NLGN1: variants seen among roughly 807,000 people sequenced by gnomAD.
NLGN1 encodes the protein neuroligin-1.
Under a neutral mutation model 65.5 loss-of-function variants are expected in NLGN1, and 12 were observed. The observed-to-expected ratio is 0.18, with a 90% CI of 0.12 to 0.30. NLGN1 has a LOEUF of 0.30. NLGN1 is among the 10% of genes least tolerant of loss of function. The probability of loss-of-function intolerance (pLI) is 1.00; values close to 1 mark genes in which losing one functional copy is unlikely to be tolerated. For synonymous variants in NLGN1, 350 were observed against 359.5 expected (o/e 0.97, Z 0.30); for missense variants, 750 against 1,007.1 (o/e 0.74, Z 3.46).
chr3:173,800,782 T>TA (rs951924317), intron 3 of NLGN1, among the ~76,000 whole-genome samples: 4 of 151,858 alleles, frequency 2.6e-5, no homozygotes, highest in Non-Finnish European at 5.9e-5. Context: ...ACATTTGTTT[T>TA]AAAAAAACAC....
At chr3:174,159,526 A>G (rs1208582667) in intron 4 of NLGN1, among the ~76,000 whole-genome samples, 1 of 151,800 alleles carries the variant, frequency 6.6e-6, no homozygotes, top group Non-Finnish European at 1.5e-5. Flanking sequence ...AGGATCTAGT[A>G]AATAGGTGGG....
chr3:173,504,682 C>G (rs1022276885), intron 2 of NLGN1, among the ~76,000 whole-genome samples: 1 of 152,050 alleles, frequency 6.6e-6, no homozygotes, highest in Non-Finnish European at 1.5e-5. Context: ...TGGTTTCACA[C>G]GAACTCTCCA....
intron 4 of NLGN1, among the ~76,000 whole-genome samples, chr3:173,958,430 G>C (rs1040103040): frequency 6.6e-6 from 1 of 152,102 alleles, no homozygotes; most frequent in African/African-American, 2.4e-5. Flanking sequence ...ACCCTGGAGT[G>C]GGTAGCTCCT....
At chr3:174,028,594 G>A (rs1160056484) in intron 4 of NLGN1, among the ~76,000 whole-genome samples, 1 of 152,172 alleles carries the variant, frequency 6.6e-6, no homozygotes, top group Non-Finnish European at 1.5e-5. Flanking sequence ...TCAGTTTTAT[G>A]TGTTCACAGA....
At chr3:173,531,461 A>G (rs761888661) in intron 2 of NLGN1, among the ~76,000 whole-genome samples, 2 of 152,058 alleles carry the variant, frequency 1.3e-5, no homozygotes, top group Non-Finnish European at 2.9e-5. Flanking sequence ...TTCTATTTAG[A>G]TTTTTATTCC....
At chr3:173,538,026 T>G (rs1737745186) in intron 2 of NLGN1, among the ~76,000 whole-genome samples, 1 of 152,164 alleles carries the variant, frequency 6.6e-6, no homozygotes, top group Non-Finnish European at 1.5e-5. Flanking sequence ...GGGGAAGCAT[T>G]TCTTTCCCTG....
At chr3:173,596,113 T>G (rs572437870) in intron 2 of NLGN1, among the ~76,000 whole-genome samples, 1 of 152,350 alleles carries the variant, frequency 6.6e-6, no homozygotes, top group East Asian at 1.9e-4. Flanking sequence ...AATATTTTGT[T>G]GGTAAATTTT....
At chr3:173,480,209 C>T (rs1338177757) in intron 2 of NLGN1, among the ~76,000 whole-genome samples, 7 of 151,502 alleles carry the variant, frequency 4.6e-5, no homozygotes, top group African/African-American at 7.3e-5. Context: ...ATGTGATTCT[C>T]GGTGCTAGCC....
At chr3:174,060,651 A>G (rs1466380091) in intron 4 of NLGN1, among the ~76,000 whole-genome samples, 2 of 152,040 alleles carry the variant, frequency 1.3e-5, no homozygotes, top group South Asian at 2.1e-4. Context: ...CTTTCAGTCA[A>G]TCAATCATGT....
chr3:174,249,929 T>A (rs1024245413), intron 4 of NLGN1, among the ~76,000 whole-genome samples: 5 of 152,170 alleles, frequency 3.3e-5, no homozygotes, highest in African/African-American at 1.2e-4. Context: ...AAGATTATAT[T>A]ATCAAGGAAT....
intron 4 of NLGN1, among the ~76,000 whole-genome samples, chr3:174,194,979 A>G (rs1448048153): frequency 6.6e-6 from 1 of 150,676 alleles, no homozygotes; most frequent in Non-Finnish European, 1.5e-5. Context: ...CTCCTGCCTC[A>G]GCCTCCCGAG....
intron 4 of NLGN1, among the ~76,000 whole-genome samples, chr3:174,192,103 A>G (rs1453689815): frequency 2.0e-5 from 3 of 152,132 alleles, no homozygotes; most frequent in Non-Finnish European, 2.9e-5. Flanking sequence ...ATTCCGTTGT[A>G]TATTTCCGGA....
intron 4 of NLGN1, among the ~76,000 whole-genome samples, chr3:174,210,359 G>A (rs1179932000): frequency 6.6e-6 from 1 of 152,152 alleles, no homozygotes; most frequent in Non-Finnish European, 1.5e-5. Flanking sequence ...TGTAGTTCCA[G>A]CACCTTCAGG....
chr3:174,289,911 GTATGTATATA>G (rs1445620176), downstream of NLGN1, among the ~76,000 whole-genome samples: 1 of 141,376 alleles, frequency 7.1e-6, no homozygotes, highest in Non-Finnish European at 1.5e-5. Flanking sequence ...ATATATATAT[GTATGTATATA>G]TATGTGTATA....
At position 173,772,592 on chromosome 3, in the gene NLGN1, TG is replaced by T. The variant is rs1779740012; in HGVS notation, c.494-35085del. On this transcript the variant is annotated intron_variant, in intron 3 of 6. Transcript: ENST00000457714. ...AAGATCACACCATTGCACTCCAGCC[TG>T]GGCAACAGGAGTGAGATTCCGTCCC... Among the ~76,000 whole-genome samples, 4 of 152,168 alleles carry T rather than the reference TG, an allele frequency of 2.6e-5. No individual in the cohort carries two copies. The South Asian group carries it at 8.3e-4, about 32-fold the overall frequency.
intron 2 of NLGN1, among the ~76,000 whole-genome samples, chr3:173,551,445 G>A (rs1461512596): frequency 6.6e-6 from 1 of 152,106 alleles, no homozygotes; most frequent in African/African-American, 2.4e-5. Flanking sequence ...TAGCTTAAAA[G>A]CTGGAGCAAT....
chr3:174,082,420 T>G (rs979161593), intron 4 of NLGN1, among the ~76,000 whole-genome samples: 1 of 152,078 alleles, frequency 6.6e-6, no homozygotes, highest in Non-Finnish European at 1.5e-5. Context: ...TAACACTAGC[T>G]TTAGCAATCA....
intron 3 of NLGN1, among the ~76,000 whole-genome samples, chr3:173,674,142 C>A (rs533175351): frequency 6.6e-6 from 1 of 152,060 alleles, no homozygotes; most frequent in East Asian, 1.9e-4. Flanking sequence ...GTCTAGAGAT[C>A]CATATTAAGG....
intron 3 of NLGN1, among the ~76,000 whole-genome samples, chr3:173,716,732 G>A (rs966586186): frequency 3.1e-5 from 4 of 130,552 alleles, no homozygotes; most frequent in African/African-American, 1.1e-4. Flanking sequence ...AAGTCTAAAA[G>A]AGAAAGCTGC....
Sources: gnomAD v4.1 joint callset for allele counts (sites outside exome capture counted in the v4.1 genomes callset) on GRCh38, gnomAD v4.1.1 for gene constraint, MANE v1.5 for transcripts, NCBI Gene and HGNC (gene_info 2026-07-23, HGNC 2026-07-21) for gene names.